CFAP77: variants seen among roughly 807,000 people sequenced by gnomAD.
The protein encoded by CFAP77 is cilia- and flagella-associated protein 77.
A neutral mutation model predicts 31.1 loss-of-function variants in CFAP77; 25 were observed. The observed-to-expected ratio is 0.80, with a 90% CI of 0.59 to 1.12. The LOEUF (loss-of-function observed/expected upper bound fraction) is 1.12. Ranked by LOEUF, CFAP77 falls within the 50% of genes most tolerant of loss-of-function variation. The pLI, the probability that CFAP77 is intolerant of heterozygous loss-of-function variation, is 0.00. For synonymous variants in CFAP77, 151 were observed against 159.9 expected (o/e 0.94, Z 0.42); for missense variants, 377 against 397.3 (o/e 0.95, Z 0.44).
intron 1 of CFAP77, among the ~76,000 whole-genome samples, chr9:132,429,841 ACT>A (rs1327164260): frequency 6.6e-6 from 1 of 151,874 alleles, no homozygotes; most frequent in Non-Finnish European, 1.5e-5. Context: ...ACAGAGTGAG[ACT>A]CTGTCTCAAA....
intron 3 of CFAP77, among the ~76,000 whole-genome samples, chr9:132,526,467 C>T (rs1328099105): frequency 3.9e-5 from 6 of 151,920 alleles, no homozygotes; most frequent in East Asian, 3.9e-4. Flanking sequence ...CTCCTGACTT[C>T]GTGATCCGTC....
chr9:132,500,879 G>T (rs993117120), intron 3 of CFAP77, among the ~76,000 whole-genome samples: 2 of 152,222 alleles, frequency 1.3e-5, no homozygotes, highest in Non-Finnish European at 2.9e-5. Context: ...GGAGGGAGAT[G>T]GGGGGACACC....
chr9:132,448,989 A>G (rs1361172336), intron 1 of CFAP77, among the ~76,000 whole-genome samples: 2 of 152,130 alleles, frequency 1.3e-5, no homozygotes, highest in Admixed American at 6.5e-5. Flanking sequence ...TGACGTGGAG[A>G]TGAGGTTATG....
intron 1 of CFAP77, among the ~76,000 whole-genome samples, chr9:132,492,690 A>C (rs1851670483): frequency 6.6e-6 from 1 of 152,192 alleles, no homozygotes; most frequent in South Asian, 2.1e-4. Flanking sequence ...TTGTTTTATG[A>C]ATCGGCAGTA....
intron 4 of CFAP77, among the ~76,000 whole-genome samples, chr9:132,538,001 C>T (rs919391297): frequency 5.9e-5 from 9 of 152,156 alleles, no homozygotes; most frequent in African/African-American, 2.2e-4. Context: ...CTGACTCCTA[C>T]CTCGGGACCC....
intron 1 of CFAP77, among the ~76,000 whole-genome samples, chr9:132,484,068 C>G (rs1851497136): frequency 6.6e-6 from 1 of 151,674 alleles, no homozygotes; most frequent in Admixed American, 6.6e-5. Flanking sequence ...TCCTGAGTAG[C>G]TGGAATTACA....
intron 3 of CFAP77, among the ~76,000 whole-genome samples, chr9:132,503,600 C>T (rs372169393): frequency 1.4e-4 from 21 of 152,132 alleles, no homozygotes; most frequent in African/African-American, 4.1e-4. Context: ...TAAACCTTCA[C>T]GCCAATTTAT....
chr9:132,530,294 C>T (rs1302760519), intron 3 of CFAP77, among the ~76,000 whole-genome samples: 11 of 146,582 alleles, frequency 7.5e-5, no homozygotes, highest in East Asian at 6.0e-4. Context: ...TTTTTTGAGA[C>T]GGAGTCTCTC....
chr9:132,521,471 G>A (rs951052511), intron 3 of CFAP77, among the ~76,000 whole-genome samples: 5 of 152,188 alleles, frequency 3.3e-5, no homozygotes, highest in African/African-American at 1.2e-4. Context: ...CACCATCCCT[G>A]CTCCGTGGAG....
chr9:132,519,566 GGATGGATA>G (rs1252210321), intron 3 of CFAP77, among the ~76,000 whole-genome samples: 11 of 136,390 alleles, frequency 8.1e-5, no homozygotes, highest in East Asian at 2.6e-4. Flanking sequence ...ATGGATGGAT[GGATGGATA>G]GATGGATGGA....
At position 132,480,381 on chromosome 9, in the gene CFAP77, C is replaced by T. The variant is rs1440673283; in HGVS notation, c.196-18314C>T. The stretch of plus-strand genomic sequence containing the variant: ...GGGAATTTGAGAACAGATTCCAGAC[C>T]CTGTTCTGGAAGACCTGCCCCAGAT... On this transcript the variant is annotated intron_variant, in intron 1 of 5. Transcript: ENST00000393216. This position sits in a 1 kb window ranked among gnomAD's most constrained non-coding sequence, Gnocchi z 5.8. 2.0e-5 allele frequency among the ~76,000 whole-genome samples: 3 copies of T among 152,164 alleles called. No homozygotes were observed. Among genetic ancestry groups the T allele is most frequent in the Non-Finnish European group, 4.4e-5 (3 of 68,022 alleles).
chr9:132,433,159 C>G (rs1165283661), intron 1 of CFAP77, among the ~76,000 whole-genome samples: 2 of 152,110 alleles, frequency 1.3e-5, no homozygotes, highest in Non-Finnish European at 2.9e-5. Context: ...CCCTTGATTC[C>G]TTTTCTATAA....
rs1348457127 is a variant in CFAP77 at position 132,501,416 on chromosome 9, T to C, written c.524+1816T>C. Among the ~76,000 whole-genome samples, 1 of 151,846 alleles carries C rather than the reference T, an allele frequency of 6.6e-6. No individual in the cohort carries two copies. Among genetic ancestry groups the C allele is most frequent in the Non-Finnish European group, 1.5e-5 (1 of 67,926 alleles). ...ATGACTATCTTCTTTTTTTTTTTTT[T>C]TGGACAGTGTCTCTGTCTGTCCCCC... On this transcript the variant is annotated intron_variant, in intron 3 of 5. Coordinates refer to ENST00000393216, the MANE Select transcript of CFAP77 (RefSeq NM_001282957.2). This position sits in a 1 kb window ranked among gnomAD's most constrained non-coding sequence, Gnocchi z 4.6.
chr9:132,514,135 C>G (rs1375234097), intron 3 of CFAP77, among the ~76,000 whole-genome samples: 1 of 151,550 alleles, frequency 6.6e-6, no homozygotes, highest in Non-Finnish European at 1.5e-5. Context: ...GGAGATCCCC[C>G]TCCCCTGTGT....
chr9:132,499,809 G>A lies in CFAP77; in HGVS notation c.524+209G>A, dbSNP rs1012221038. Among the ~76,000 whole-genome samples, 19 of 152,142 alleles carry A rather than the reference G, an allele frequency of 1.2e-4. No individual in the cohort carries two copies. Among genetic ancestry groups the A allele is most frequent in the Admixed American group, 1.1e-3 (17 of 15,282 alleles). ...GCCTTATAGCAGGGTACCCTGTAGG[G>A]CTGTGCACAGGTCACCCACTTTCCC... On this transcript the variant is annotated intron_variant, in intron 3 of 5. Transcript: ENST00000393216. This position sits in a 1 kb window ranked among gnomAD's most constrained non-coding sequence, Gnocchi z 5.4.
At chr9:132,415,148 G>A (rs189650576) in intron 1 of CFAP77, among the ~76,000 whole-genome samples, 4 of 152,242 alleles carry the variant, frequency 2.6e-5, no homozygotes, top group East Asian at 1.9e-4. Context: ...TAAAACCTTA[G>A]GAAGGGATTT....
chr9:132,451,650 T>C (rs754016433), intron 1 of CFAP77, among the ~76,000 whole-genome samples: 1 of 152,062 alleles, frequency 6.6e-6, no homozygotes, highest in Non-Finnish European at 1.5e-5. Flanking sequence ...TGTCCCTTTC[T>C]TGATCCCCAC....
intron 5 of CFAP77, among the ~76,000 whole-genome samples, chr9:132,562,396 T>C (rs749664313): frequency 1.1e-4 from 16 of 152,254 alleles, no homozygotes; most frequent in Non-Finnish European, 1.8e-4. Context: ...AGAACATTCT[T>C]TTCCTTCCGC....
intron 1 of CFAP77, among the ~76,000 whole-genome samples, chr9:132,439,058 T>G (rs1850569289): frequency 6.6e-6 from 1 of 151,838 alleles, no homozygotes; most frequent in Admixed American, 6.6e-5. Flanking sequence ...GTATTTTGAA[T>G]AGAGATGGGG....
Sources: gnomAD v4.1 joint callset for allele counts (sites outside exome capture counted in the v4.1 genomes callset) on GRCh38, gnomAD v4.1.1 for gene constraint, Gnocchi (gnomAD v3.1) non-coding constraint, MANE v1.5 for transcripts, NCBI Gene and HGNC (gene_info 2026-07-23, HGNC 2026-07-21) for gene names.